The following MED14 variants were observed in gnomAD, a reference collection of about 807,000 sequenced individuals.
MED14 encodes mediator of RNA polymerase II transcription subunit 14.
In MED14, 8 loss-of-function variants were observed where a neutral mutation model predicts 109.0. The ratio of observed to expected loss-of-function variants is 0.07; its 90% CI spans 0.04 to 0.13. The LOEUF (loss-of-function observed/expected upper bound fraction) is 0.13, where lower values mean the gene tolerates loss of function less well. Ranked by LOEUF, MED14 falls within the 10% of genes least tolerant of loss-of-function variation. MED14 has a pLI of 1.00. For missense variants in MED14, 711 were observed against 1,142.4 expected, an observed-to-expected ratio of 0.62 and a Z score of 5.44; for synonymous variants, 399 against 408.7, an observed-to-expected ratio of 0.98 and a Z score of 0.29.
In MED14 at chrX:40,719,519, T is replaced by TA. The variant is rs1417505075; in HGVS notation, c.349-4810dup. On this transcript the variant is annotated intron_variant, in intron 3 of 30. Transcript: ENST00000324817. The stretch of plus-strand genomic sequence containing the variant: ...TGAATCAATCTTGAAAATACTACAC[T>TA]AAAAAAAAAAATGCTAAGTTAAAGA... Among the ~76,000 whole-genome samples, 222 of 105,099 alleles carry TA rather than the reference T, an allele frequency of 2.1e-3. 1 individual carries two copies. The highest frequency in any genetic ancestry group is 0.019 in the Middle Eastern group (4 of 209). The allele number at this position is 105,099 out of a possible 115,157, so 91.3% of individuals were successfully genotyped here.
chrX:40,663,089 G>A lies in MED14; in HGVS notation c.3520C>T (p.Pro1174Ser). The A allele has an allele frequency of 8.3e-7, 1 of 1,211,916 alleles. No individual in the cohort carries two copies. The highest frequency in any genetic ancestry group is 1.1e-6 in the Non-Finnish European group (1 of 895,442). ...LPQRSWAASI[P>S]TILTHSALNI... ...AAGGCACTGTGAGTGAGGATGGTAG[G>A]TATGGATGCCGCCCAAGAGCGCTGA... The change falls in exon 26 of 31, where the codon CCT becomes TCT. Residue 1174 changes from proline (P) to serine (S), a missense_variant. Around this residue, in one of 8 missense-constraint regions of MED14, gnomAD observed 54 missense variants for 129.6 expected, o/e 0.42. Transcript: ENST00000324817.
chrX:40,719,687 G>C (rs1262283182), intron 3 of MED14, among the ~76,000 whole-genome samples: 2 of 111,910 alleles, frequency 1.8e-5, no homozygotes, highest in African/African-American at 6.5e-5. Context: ...TTTTCTTTCT[G>C]AGGTGATTAA....
At chrX:40,721,756 T>C (rs760461201) in intron 3 of MED14, among the ~76,000 whole-genome samples, 1 of 112,493 alleles carries the variant, frequency 8.9e-6, no homozygotes, top group Admixed American at 9.3e-5. Context: ...GTGGTGGCCA[T>C]ATGGGTGCTT....
chrX:40,734,077 A>AT (rs1052380022), intron 1 of MED14, among the ~76,000 whole-genome samples: 1 of 111,645 alleles, frequency 9.0e-6, no homozygotes, highest in Non-Finnish European at 1.9e-5. Context: ...AGTTTTCAAC[A>AT]TTTTTTTTCC....
chrX:40,654,530 G>T lies in MED14; in HGVS notation c.4125C>A (p.Val1375=). Residue 1375 remains valine, a synonymous_variant, in exon 30 of 31, where the codon GTC becomes GTA. Coordinates refer to ENST00000324817, the MANE Select transcript of MED14 (RefSeq NM_004229.4). ...TAATACTAACAGGTTCTTGGGGAGG[G>T]ACCGATGTTTTCTGAGTTAGTTGAA... is the stretch of plus-strand genomic sequence containing the variant. ...FFLQLTQKTS[V]PPQEPVSIIV... is the part of the protein sequence containing the mutation. 1 of 1,210,958 alleles carries T rather than the reference G, an allele frequency of 8.3e-7. No homozygotes were observed. The highest frequency in any genetic ancestry group is 1.7e-5 in the African/African-American group (1 of 57,647).
chrX:40,694,207 T>C (rs1414384122), intron 13 of MED14, among the ~76,000 whole-genome samples: 1 of 111,553 alleles, frequency 9.0e-6, no homozygotes, highest in African/African-American at 3.3e-5. Context: ...CCTATCTTTA[T>C]TTTTGTGATG....
chrX:40,672,400 T>C (rs989398800), intron 22 of MED14, among the ~76,000 whole-genome samples: 6 of 112,133 alleles, frequency 5.4e-5, no homozygotes, highest in African/African-American at 1.9e-4. Context: ...TTCTGAGCGG[T>C]AGATAAAAAC....
At chrX:40,732,529 A>AG (rs1338808949) in intron 1 of MED14, among the ~76,000 whole-genome samples, 4 of 109,654 alleles carry the variant, frequency 3.6e-5, no homozygotes, top group Non-Finnish European at 7.6e-5. Context: ...AAAAAAAAAA[A>AG]AAGGTTTGGG....
Position 40,666,713 on chromosome X carries a change from G to A in MED14, c.3265+7C>T. The A allele has an allele frequency of 8.3e-7, 1 of 1,207,462 alleles. No individual in the cohort carries two copies. Among genetic ancestry groups the A allele is most frequent in the Non-Finnish European group, 1.1e-6 (1 of 892,918 alleles). ...TATGCTATATCGATTTCCATGTATG[G>A]ACTCACCATGTGGACTAGCAAAACT... On this transcript the variant is annotated splice_region_variant and intron_variant, in intron 24 of 30. Coordinates refer to ENST00000324817, the MANE Select transcript of MED14 (RefSeq NM_004229.4).
chrX:40,681,873 A>G lies in MED14; in HGVS notation c.2436T>C (p.Tyr812=). Residue 812 remains tyrosine (Y), a synonymous_variant, in exon 19 of 31, where the codon TAT becomes TAC. Coordinates refer to ENST00000324817, the MANE Select transcript of MED14 (RefSeq NM_004229.4). The stretch of plus-strand genomic sequence containing the variant: ...TTACTGAGCTTCCCTTGGTGGTTCC[A>G]TAACACAAGATAAGTTTTCGGTAAT... ...VYNYRKLILC[Y]GTTKGSSISI... 5 of 1,143,216 alleles carry G rather than the reference A, an allele frequency of 4.4e-6. No individual in the cohort carries two copies. The highest frequency in any genetic ancestry group is 3.1e-5 in the East Asian group (1 of 32,246). 94.2% of individuals were successfully genotyped at this position (1,143,216 alleles called of 1,213,427 possible). A position where few individuals can be genotyped will look rare whatever the true frequency, so the allele number is the denominator to read the frequency against.
At chrX:40,723,020 T>C in intron 3 of MED14, among the ~76,000 whole-genome samples, 1 of 111,666 alleles carries the variant, frequency 9.0e-6, no homozygotes, top group East Asian at 2.8e-4. Context: ...CAAGAAGAAA[T>C]CATCTGAAGG....
intron 10 of MED14, 25 bp downstream of exon 10, chrX:40,709,323 C>T (rs1477670361): frequency 1.3e-6 from 1 of 772,399 alleles, no homozygotes; most frequent in Admixed American, 3.4e-5. Flanking sequence ...AAAAGAAAAA[C>T]AAATGTCAAT....
At position 40,649,910 on chromosome X, in the gene MED14, T is replaced by C; in HGVS notation, c.*1896A>G. The stretch of plus-strand genomic sequence containing the variant: ...ATGAGTTATAATTAGGAAAAAAGAG[T>C]GTCCACTGAATGCATCATGTGTAAA... On this transcript the variant is annotated 3_prime_UTR_variant, in exon 31 of 31. Transcript: ENST00000324817. 1.3e-6 allele frequency: 1 copy of C among 758,458 alleles called. No individual in the cohort carries two copies. Among genetic ancestry groups the C allele is most frequent in the Non-Finnish European group, 1.6e-6 (1 of 638,366 alleles). 62.5% of individuals were successfully genotyped at this position (758,458 alleles called of 1,213,427 possible). A position where few individuals can be genotyped will look rare whatever the true frequency, so the allele number is the denominator to read the frequency against.
chrX:40,720,504 A>G (rs1397147320), intron 3 of MED14, among the ~76,000 whole-genome samples: 2 of 112,058 alleles, frequency 1.8e-5, no homozygotes, highest in Non-Finnish European at 3.8e-5. Context: ...TGAGTTTCTC[A>G]GCAAGCCTTG....
chrX:40,681,981 C>T (rs1930131262), intron 18 of MED14, 38 bp from the exon 19 acceptor site: 3 of 688,690 alleles, frequency 4.4e-6, no homozygotes, highest in East Asian at 3.7e-5. Flanking sequence ...TAATATTATA[C>T]ATGTAAAATT....
intron 7 of MED14, among the ~76,000 whole-genome samples, chrX:40,711,753 G>C (rs914852758): frequency 3.9e-4 from 42 of 107,995 alleles, no homozygotes; most frequent in Non-Finnish European, 7.7e-4. Flanking sequence ...CTCCCTAGTA[G>C]CTGGGATTAC....
chrX:40,667,329 C>T (rs1480427678), intron 23 of MED14, among the ~76,000 whole-genome samples: 1 of 111,706 alleles, frequency 9.0e-6, no homozygotes, highest in African/African-American at 3.3e-5. Flanking sequence ...TTATATACAG[C>T]AATCAGAAAA....
rs1929175890 is a variant in MED14, at chrX:40,659,081, A to G, written c.3972+146T>C. ...ACAGAATTGTGTTACCTATTCAAAG[A>G]TAAATAAAATTTAAGTTAAAAATTA... On this transcript the variant is annotated intron_variant, in intron 28 of 30. Transcript: ENST00000324817. 4 of 356,096 alleles carry G rather than the reference A, an allele frequency of 1.1e-5. No individual in the cohort carries two copies. The South Asian group carries it at 2.5e-4, about 22-fold the overall frequency. The allele number at this position is 356,096 out of a possible 1,213,427, so 29.3% of individuals were successfully genotyped here. A position where few individuals can be genotyped will look rare whatever the true frequency, so the allele number is the denominator to read the frequency against.
intron 22 of MED14, 105 bp downstream of exon 22, chrX:40,675,116 C>G: frequency 4.0e-6 from 3 of 754,483 alleles, no homozygotes; most frequent in Non-Finnish European, 5.5e-6. Flanking sequence ...CTGGGCATCT[C>G]AGGCCCACCA....
Sources: allele counts gnomAD v4.1 joint callset (sites outside exome capture counted in the v4.1 genomes callset), GRCh38; gene constraint gnomAD v4.1.1; regional missense constraint gnomAD v4.1.1; transcripts MANE v1.5; gene names NCBI Gene and HGNC (gene_info 2026-07-23, HGNC 2026-07-21).